Variants in CRY2 observed in about 807,000 individuals in gnomAD.
The protein encoded by CRY2 is cryptochrome-2.
CRY2 carries 31 observed loss-of-function variants against 69.5 expected under a neutral mutation model. The observed-to-expected ratio is 0.45, with a 90% CI of 0.34 to 0.60. CRY2 has a LOEUF of 0.60. CRY2 is among the 20% of genes least tolerant of loss of function. CRY2 has a pLI of 0.02. For missense variants in CRY2, 606 were observed against 797.8 expected, an observed-to-expected ratio of 0.76 and a Z score of 2.90; for synonymous variants, 303 against 312.2, an observed-to-expected ratio of 0.97 and a Z score of 0.31.
chr11:45,869,081 G>C (rs909467673), intron 6 of CRY2, among the ~76,000 whole-genome samples: 1 of 152,212 alleles, frequency 6.6e-6, no homozygotes, highest in Non-Finnish European at 1.5e-5. Flanking sequence ...TATGGCCCCA[G>C]ATCCAGGCTG....
Position 45,869,814 on chromosome 11 carries a change from C to T in CRY2, c.1191C>T (p.Val397=), listed in dbSNP as rs1349836122. 6.2e-7 allele frequency: 1 copy of T among 1,604,036 alleles called. No individual in the cohort carries two copies. The highest frequency in any genetic ancestry group is 1.7e-5 in the Admixed American group (1 of 59,708). Reference sequence around the variant, plus strand: ...TCTGGGTCAGCTGGGAGAGCGGGGTCCGGGTGAGTGCTCTCTCAACGAAAA... The same window carrying T: ...TCTGGGTCAGCTGGGAGAGCGGGGTTCGGGTGAGTGCTCTCTCAACGAAAA... The part of the protein sequence containing the change: ...GDLWVSWESG[V]RVFDELLLDA... The change falls in exon 7 of 12, where the codon GTC becomes GTT. Residue 397 remains valine (V), a synonymous_variant. Transcript: ENST00000616080.
chr11:45,872,280 T>TGG, intron 11 of CRY2, 47 bp downstream of exon 11: 1 of 1,571,936 alleles, frequency 6.4e-7, no homozygotes. Flanking sequence ...AAGTTGGGAG[T>TGG]GGGGGGGCCT....
intron 1 of CRY2, among the ~76,000 whole-genome samples, chr11:45,852,000 A>G (rs1023424719): frequency 4.6e-5 from 7 of 152,212 alleles, no homozygotes; most frequent in Non-Finnish European, 1.0e-4. Flanking sequence ...CCTAAATATG[A>G]GTACTTAATC....
chr11:45,865,662 A>T (rs1228956883), intron 5 of CRY2, among the ~76,000 whole-genome samples: 2 of 152,150 alleles, frequency 1.3e-5, no homozygotes, highest in Non-Finnish European at 2.9e-5. Context: ...GTGAGAGCAG[A>T]TGCGTAAAGA....
chr11:45,875,346 C>T (rs1272901575), intron 11 of CRY2, among the ~76,000 whole-genome samples: 1 of 152,182 alleles, frequency 6.6e-6, no homozygotes, highest in Non-Finnish European at 1.5e-5. Flanking sequence ...GCACATGAGT[C>T]TGCTATGTAC....
rs775714789 is a variant in CRY2, at chr11:45,860,876, C to A, written c.496C>A (p.Pro166Thr). ...CATTGAGCTGAATGGGCAGAAGCCA[C>A]CCCTTACATACAAGCGCTTTCAGGC... ...RIIELNGQKP[P>T]LTYKRFQAII... Residue 166 changes from proline (P) to threonine (T), a missense_variant, in exon 4 of 12, where the codon CCC becomes ACC. Physicochemically the swap from Pro to Thr is conservative, Grantham distance 38 (BLOSUM62 -1). This residue lies in a region of CRY2 where 382 missense variants were observed against 508.9 expected (regional missense o/e 0.75). Coordinates refer to ENST00000616080, the MANE Select transcript of CRY2 (RefSeq NM_021117.5). 8 of 1,614,076 alleles carry A rather than the reference C, an allele frequency of 5.0e-6. No homozygotes were observed. The highest frequency in any genetic ancestry group is 6.8e-6 in the Non-Finnish European group (8 of 1,180,042).
intron 4 of CRY2, 85 bp from the exon 5 acceptor site, chr11:45,861,975 A>G: frequency 8.4e-7 from 1 of 1,185,048 alleles, no homozygotes; most frequent in Non-Finnish European, 1.2e-6. Flanking sequence ...TTCAATTCTC[A>G]TAAAGTTCAA....
intron 5 of CRY2, among the ~76,000 whole-genome samples, chr11:45,865,398 C>T (rs1053106696): frequency 6.6e-6 from 1 of 152,154 alleles, no homozygotes; most frequent in Non-Finnish European, 1.5e-5. Flanking sequence ...TTAAGTCACA[C>T]ATGTGTGTGA....
At chr11:45,861,853 G>C in intron 4 of CRY2, 2 of 556,350 alleles carry the variant, frequency 3.6e-6, no homozygotes, top group Non-Finnish European at 6.4e-6. Flanking sequence ...GAGCGATGAG[G>C]GTGCAGGGGA....
rs2086281971 is a variant in CRY2, at chr11:45,860,867, C to G, written c.487C>G (p.Gln163Glu). 6.2e-7 allele frequency: 1 copy of G among 1,614,116 alleles called. No individual in the cohort carries two copies. The highest frequency in any genetic ancestry group is 8.5e-7 in the Non-Finnish European group (1 of 1,180,008). The change falls in exon 4 of 12, where the codon CAG (glutamine) becomes GAG (glutamate). Residue 163 changes from glutamine to glutamate, a missense_variant. By Grantham distance (29) the Gln-to-Glu change is conservative (BLOSUM62 2). Around this residue, in one of 5 missense-constraint regions of CRY2, gnomAD observed 382 missense variants for 508.9 expected, o/e 0.75. Transcript: ENST00000616080. ...CCCCAGGATCATTGAGCTGAATGGG[C>G]AGAAGCCACCCCTTACATACAAGCG... ...DLDRIIELNG[Q>E]KPPLTYKRFQ...
intron 11 of CRY2, among the ~76,000 whole-genome samples, 180 bp from the exon 12 acceptor site, chr11:45,880,734 A>C (rs562258605): frequency 2.0e-5 from 3 of 152,292 alleles, no homozygotes; most frequent in Non-Finnish European, 4.4e-5. Flanking sequence ...GTATTCCCTC[A>C]TCCCAGTGGC....
chr11:45,862,897 C>T (rs2086299760), intron 5 of CRY2, among the ~76,000 whole-genome samples: 1 of 152,206 alleles, frequency 6.6e-6, no homozygotes, highest in African/African-American at 2.4e-5. Context: ...AGAAAGTTCT[C>T]ATGTCCGAGA....
intron 2 of CRY2, chr11:45,856,444 G>A: frequency 4.9e-6 from 1 of 202,060 alleles, no homozygotes; most frequent in Non-Finnish European, 1.0e-5. Context: ...CTTTGAGGTG[G>A]GGTTTCATGT....
chr11:45,856,561 C>T (rs889095842), intron 2 of CRY2, among the ~76,000 whole-genome samples: 6 of 152,182 alleles, frequency 3.9e-5, no homozygotes, highest in African/African-American at 1.4e-4. Flanking sequence ...CTTTGGGAGG[C>T]CGAGGCAGGC....
chr11:45,869,984 C>A, intron 7 of CRY2, 69 bp from the exon 8 acceptor site: 1 of 1,534,554 alleles, frequency 6.5e-7, no homozygotes, highest in Non-Finnish European at 8.8e-7. Context: ...CCTGGGGGCA[C>A]TGTGGTGACT....
intron 11 of CRY2, among the ~76,000 whole-genome samples, chr11:45,880,400 A>G (rs936953646): frequency 1.3e-5 from 2 of 152,036 alleles, no homozygotes; most frequent in South Asian, 2.1e-4. Context: ...TGCCCCCACA[A>G]TCTTCCAGCA....
In CRY2 at chr11:45,848,264, A is replaced by T. The variant is rs1410663702; in HGVS notation, c.215+559A>T. ...GGGTGTCAAGTGACCCTGGCTTAGC[A>T]TTAAATAAGGTCTTCTCCCCTATAT... On this transcript the variant is annotated intron_variant, in intron 1 of 11. Coordinates refer to ENST00000616080, the MANE Select transcript of CRY2 (RefSeq NM_021117.5). Among the ~76,000 whole-genome samples, 12 of 152,308 alleles carry T rather than the reference A, an allele frequency of 7.9e-5. No individual in the cohort carries two copies. The East Asian group carries it at 2.3e-3, about 29-fold the overall frequency.
chr11:45,853,962 A>G (rs2086218004), intron 1 of CRY2, among the ~76,000 whole-genome samples: 1 of 152,244 alleles, frequency 6.6e-6, no homozygotes, highest in Non-Finnish European at 1.5e-5. Flanking sequence ...TTTTGCAAAC[A>G]TGATGCTTTG....
rs2086284130 is a variant in CRY2 at position 45,861,026 on chromosome 11, G to A, written c.646G>A (p.Glu216Lys). Residue 216 changes from glutamate to lysine, a missense_variant, in exon 4 of 12, where the codon GAG (glutamate) becomes AAG (lysine). By Grantham distance (56) the Glu-to-Lys change is moderately conservative. Around this residue, in one of 5 missense-constraint regions of CRY2, gnomAD observed 382 missense variants for 508.9 expected, o/e 0.75. Transcript: ENST00000616080. Reference protein sequence around the residue: ...DETYGVPSLEELGFPTEGLGP... With the variant: ...DETYGVPSLEKLGFPTEGLGP... ...GACCTACGGCGTGCCCTCCCTGGAG[G>A]AGCTGGGTGCGTACTTCCTGCCCAG... 6.2e-7 allele frequency: 1 copy of A among 1,612,036 alleles called. No homozygotes were observed. Among genetic ancestry groups the A allele is most frequent in the South Asian group, 1.1e-5 (1 of 91,032 alleles).
Sources: gnomAD v4.1 joint callset for allele counts (sites outside exome capture counted in the v4.1 genomes callset) on GRCh38, gnomAD v4.1.1 for gene constraint, gnomAD v4.1.1 regional missense constraint, MANE v1.5 for transcripts, NCBI Gene and HGNC (gene_info 2026-07-23, HGNC 2026-07-21) for gene names.